Variants in DMD observed in about 807,000 individuals in gnomAD.
DMD encodes dystrophin.
In DMD, 63 loss-of-function variants were observed where a neutral mutation model predicts 330.1. The ratio of observed to expected loss-of-function variants is 0.19; its 90% CI spans 0.16 to 0.24. The LOEUF (loss-of-function observed/expected upper bound fraction) is 0.24, where lower values mean the gene tolerates loss of function less well. DMD is among the 10% of genes least tolerant of loss of function. The pLI is 1.00. For missense variants in DMD, 3,344 were observed against 2,684.1 expected (o/e 1.25, Z -5.43); for synonymous variants, 1,223 against 959.8 (o/e 1.27, Z -5.07).
intron 29 of DMD, among the ~76,000 whole-genome samples, chrX:32,434,315 C>T (rs1187839661): frequency 8.9e-6 from 1 of 111,881 alleles, no homozygotes; most frequent in Non-Finnish European, 1.9e-5. Flanking sequence ...CTGGCTGAGG[C>T]AGGAGAATTG....
At chrX:33,262,494 G>A (rs755079768) in intron 1 of DMD, among the ~76,000 whole-genome samples, 101 of 111,069 alleles carry the variant, frequency 9.1e-4, no homozygotes, top group African/African-American at 3.2e-3. Flanking sequence ...AAGTTAGGGT[G>A]TCTGGCCCTA....
At chrX:32,393,876 G>C (rs2098021531) in intron 30 of DMD, among the ~76,000 whole-genome samples, 1 of 111,143 alleles carries the variant, frequency 9.0e-6, no homozygotes, top group South Asian at 3.8e-4. Context: ...GGTTCAATGG[G>C]ATCAATAGTA....
chrX:32,577,848 A>G (rs1393625816), intron 13 of DMD, among the ~76,000 whole-genome samples: 3 of 112,611 alleles, frequency 2.7e-5, no homozygotes, highest in Non-Finnish European at 5.6e-5. Flanking sequence ...TGTAAGCGGA[A>G]AAGTGAATTA....
chrX:32,144,493 T>C (rs1231535098), intron 44 of DMD, among the ~76,000 whole-genome samples: 16 of 111,879 alleles, frequency 1.4e-4, no homozygotes, highest in Non-Finnish European at 3.8e-5. Context: ...CTAATTCGTT[T>C]ATATTAATAG....
intron 44 of DMD, among the ~76,000 whole-genome samples, chrX:32,180,181 A>T (rs533860396): frequency 8.9e-6 from 1 of 112,058 alleles, no homozygotes; most frequent in African/African-American, 3.2e-5. Context: ...TTGCTGGTAT[A>T]AGAAAAGATC....
chrX:32,675,904 A>C (rs982016333), intron 9 of DMD, among the ~76,000 whole-genome samples: 1 of 111,910 alleles, frequency 8.9e-6, no homozygotes, highest in Non-Finnish European at 1.9e-5. Context: ...GACATTATTC[A>C]TCATCACAGA....
At chrX:32,718,365 T>C (rs980709450) in intron 7 of DMD, among the ~76,000 whole-genome samples, 1 of 111,038 alleles carries the variant, frequency 9.0e-6, no homozygotes, top group Non-Finnish European at 1.9e-5. Context: ...CTCTTCCTCC[T>C]TCTCTGGCCA....
chrX:33,020,263 A>T lies in DMD; in HGVS notation c.32-63T>A, dbSNP rs536469818. On this transcript the variant is annotated intron_variant, in intron 1 of 78. Transcript: ENST00000357033. ...ACTTTAAATATAATTCATATTTTACAACCAAAGTAACTTTCCATTATGATG... is the reference window on the plus strand; with the variant it reads ...ACTTTAAATATAATTCATATTTTACTACCAAAGTAACTTTCCATTATGATG... 3 of 788,763 alleles carry T rather than the reference A, an allele frequency of 3.8e-6. No individual in the cohort carries two copies. The South Asian group carries it at 7.1e-5, about 19-fold the overall frequency. The allele number at this position is 788,763 out of a possible 1,213,427, so 65.0% of individuals were successfully genotyped here.
At chrX:31,972,018 C>T (rs1421481639) in intron 44 of DMD, among the ~76,000 whole-genome samples, 1 of 111,354 alleles carries the variant, frequency 9.0e-6, no homozygotes, top group Non-Finnish European at 1.9e-5. Flanking sequence ...ATATCTAACT[C>T]CCGTGGGGAG....
At chrX:31,937,443 A>T (rs1412385091) in intron 45 of DMD, among the ~76,000 whole-genome samples, 1 of 111,394 alleles carries the variant, frequency 9.0e-6, no homozygotes. Context: ...CAGTGATTTA[A>T]TTTTTTAAAA....
intron 60 of DMD, among the ~76,000 whole-genome samples, chrX:31,391,903 C>T (rs1458500279): frequency 9.0e-6 from 1 of 110,614 alleles, no homozygotes; most frequent in Non-Finnish European, 1.9e-5. Context: ...GCAAAAAAAA[C>T]GGCCACACAT....
intron 60 of DMD, among the ~76,000 whole-genome samples, chrX:31,423,182 G>A (rs1397642880): frequency 8.9e-6 from 1 of 111,787 alleles, no homozygotes; most frequent in Non-Finnish European, 1.9e-5. Flanking sequence ...GATTTTAAGA[G>A]ACACCATTAC....
At chrX:31,604,476 G>C (rs762079112) in intron 55 of DMD, among the ~76,000 whole-genome samples, 2 of 111,386 alleles carry the variant, frequency 1.8e-5, no homozygotes, top group African/African-American at 6.5e-5. Context: ...TAGCAGCTAC[G>C]GTCACATTTA....
At chrX:31,916,578 C>A in intron 47 of DMD, among the ~76,000 whole-genome samples, 1 of 111,641 alleles carries the variant, frequency 9.0e-6, no homozygotes, top group Non-Finnish European at 1.9e-5. Flanking sequence ...ATTAGAAGAC[C>A]TAATAATAGC....
chrX:32,260,099 T>C (rs937313926), intron 43 of DMD, among the ~76,000 whole-genome samples: 2 of 111,430 alleles, frequency 1.8e-5, no homozygotes, highest in Non-Finnish European at 3.8e-5. Flanking sequence ...TCATGTTCCC[T>C]TGAGGTTTCG....
intron 44 of DMD, among the ~76,000 whole-genome samples, chrX:32,045,690 A>G (rs1466144189): frequency 8.9e-6 from 1 of 112,037 alleles, no homozygotes; most frequent in African/African-American, 3.2e-5. Flanking sequence ...TCTTTGCTTC[A>G]AAAATTCAAA....
intron 60 of DMD, among the ~76,000 whole-genome samples, chrX:31,436,520 G>C (rs1315729686): frequency 1.8e-5 from 2 of 110,468 alleles, no homozygotes; most frequent in East Asian, 5.6e-4. Flanking sequence ...TCTTCTCCTA[G>C]GGTGAGAAAG....
chrX:31,644,740 T>G (rs1401302570), intron 54 of DMD, among the ~76,000 whole-genome samples: 1 of 111,976 alleles, frequency 8.9e-6, no homozygotes, highest in Non-Finnish European at 1.9e-5. Context: ...ACTTTGACTT[T>G]CAATTCTGGT....
chrX:32,706,874 T>A (rs2064716096), intron 7 of DMD, among the ~76,000 whole-genome samples: 1 of 111,266 alleles, frequency 9.0e-6, no homozygotes, highest in African/African-American at 3.3e-5. Context: ...GCGGATCACC[T>A]GAGGTCAGGA....
Sources: gnomAD v4.1 joint callset for allele counts (sites outside exome capture counted in the v4.1 genomes callset) on GRCh38, gnomAD v4.1.1 for gene constraint, MANE v1.5 for transcripts, NCBI Gene and HGNC (gene_info 2026-07-23, HGNC 2026-07-21) for gene names.